CSMD1: variants seen among roughly 807,000 people sequenced by gnomAD.
The protein encoded by CSMD1 is CUB and sushi domain-containing protein 1.
A neutral mutation model predicts 417.5 loss-of-function variants in CSMD1; 213 were observed. The observed-to-expected ratio is 0.51, with a 90% confidence interval of 0.46 to 0.57. The LOEUF (loss-of-function observed/expected upper bound fraction) is 0.57, where lower values mean the gene tolerates loss of function less well. CSMD1 is among the 20% of genes least tolerant of loss of function. The pLI, the probability that CSMD1 is intolerant of heterozygous loss-of-function variation, is 0.00. For missense variants in CSMD1, 6,923 were observed against 4,529.7 expected, an observed-to-expected ratio of 1.53 and a Z score of -15.17; for synonymous variants, 2,862 against 1,736.8, an observed-to-expected ratio of 1.65 and a Z score of -16.11.
At chr8:4,459,485 C>G (rs900203195) in intron 2 of CSMD1, among the ~76,000 whole-genome samples, 4 of 152,152 alleles carry the variant, frequency 2.6e-5, no homozygotes, top group South Asian at 2.1e-4. Flanking sequence ...AAATTCAAAT[C>G]CAAGGTTGCT....
intron 12 of CSMD1, among the ~76,000 whole-genome samples, chr8:3,412,887 T>C (rs73657851): frequency 0.097 from 14,723 of 151,650 alleles, 951 homozygotes; most frequent in East Asian, 0.25. Context: ...TGGTTTATAA[T>C]AGAAAAGAGC....
At chr8:3,691,714 G>A (rs1800253419) in intron 7 of CSMD1, among the ~76,000 whole-genome samples, 1 of 151,854 alleles carries the variant, frequency 6.6e-6, no homozygotes, top group Non-Finnish European at 1.5e-5. Flanking sequence ...AACCCTATAA[G>A]GTAAATATTA....
chr8:3,859,410 G>A (rs1422727822), intron 5 of CSMD1, among the ~76,000 whole-genome samples: 2 of 152,140 alleles, frequency 1.3e-5, no homozygotes, highest in African/African-American at 2.4e-5. Context: ...TTTGTTTACA[G>A]ATGTGTAGTA....
At chr8:3,322,920 T>C (rs1419179209) in intron 23 of CSMD1, among the ~76,000 whole-genome samples, 1 of 151,604 alleles carries the variant, frequency 6.6e-6, no homozygotes, top group Non-Finnish European at 1.5e-5. Context: ...AGTCTCTGAA[T>C]TGTTTTTTGC....
chr8:4,204,457 C>G (rs1799858987), intron 3 of CSMD1, among the ~76,000 whole-genome samples: 1 of 152,076 alleles, frequency 6.6e-6, no homozygotes, highest in Non-Finnish European at 1.5e-5. Context: ...TCATGAACAC[C>G]TGAGATTTTG....
intron 26 of CSMD1, among the ~76,000 whole-genome samples, chr8:3,271,073 C>T (rs1246441206): frequency 1.7e-5 from 2 of 116,626 alleles, no homozygotes; most frequent in Non-Finnish European, 3.5e-5. Context: ...TGCTGTCCTT[C>T]CCCCCTCCCC....
chr8:4,672,843 T>A (rs1241530218), intron 1 of CSMD1, among the ~76,000 whole-genome samples: 1 of 151,578 alleles, frequency 6.6e-6, no homozygotes, highest in African/African-American at 2.4e-5. Context: ...CCGTATGTAG[T>A]GACGTACACA....
At chr8:3,384,369 T>C (rs908563419) in intron 18 of CSMD1, among the ~76,000 whole-genome samples, 3 of 151,960 alleles carry the variant, frequency 2.0e-5, no homozygotes, top group Non-Finnish European at 4.4e-5. Flanking sequence ...TAATAGGATA[T>C]CCCTTTTCTA....
At chr8:3,725,360 G>A (rs144454767) in intron 6 of CSMD1, among the ~76,000 whole-genome samples, 1 of 152,228 alleles carries the variant, frequency 6.6e-6, no homozygotes, top group Non-Finnish European at 1.5e-5. Flanking sequence ...GGGAAACAAT[G>A]ACAAAGAACC....
chr8:4,742,944 C>T (rs191011304), intron 1 of CSMD1, among the ~76,000 whole-genome samples: 2,226 of 152,096 alleles, frequency 0.015, 30 homozygotes, highest in Non-Finnish European at 0.023. Context: ...ATAAATGATA[C>T]CAAAAGTGCA....
chr8:3,197,013 A>C (rs1488891035), intron 33 of CSMD1, among the ~76,000 whole-genome samples: 7 of 152,254 alleles, frequency 4.6e-5, no homozygotes, highest in African/African-American at 1.7e-4. Context: ...ATGCTTTCCA[A>C]ATGTACCCTT....
chr8:4,557,768 G>A (rs1585246727), intron 2 of CSMD1, among the ~76,000 whole-genome samples: 1 of 123,552 alleles, frequency 8.1e-6, no homozygotes, highest in African/African-American at 3.4e-5. Flanking sequence ...GCATTAAGAT[G>A]GCACGTAAGT....
chr8:4,371,020 C>G (rs1389598498), intron 3 of CSMD1, among the ~76,000 whole-genome samples: 1 of 152,154 alleles, frequency 6.6e-6, no homozygotes, highest in Non-Finnish European at 1.5e-5. Context: ...TTACTAGGGT[C>G]TTGGAGTGGT....
chr8:3,903,773 T>C (rs2627422), intron 5 of CSMD1, among the ~76,000 whole-genome samples: 1 of 152,054 alleles, frequency 6.6e-6, no homozygotes, highest in Non-Finnish European at 1.5e-5. Context: ...CCCAATTGAG[T>C]CCACATTTGA....
intron 41 of CSMD1, chr8:3,127,970 G>A (rs1057181994): frequency 7.6e-6 from 1 of 130,758 alleles, no homozygotes; most frequent in African/African-American, 3.2e-5. Context: ...GAGGGAGGGA[G>A]GGAAGGAAAG....
Position 4,323,027 on chromosome 8 carries a change from G to A in CSMD1, c.415+96926C>T, listed in dbSNP as rs552096416. Among the ~76,000 whole-genome samples, 70 of 152,242 alleles carry A rather than the reference G, an allele frequency of 4.6e-4. No individual in the cohort carries two copies. In the South Asian group the frequency reaches 0.014, roughly 30 times the overall value. ...TATAAAATAAAATAAAATGCAGCAG[G>A]AATCTGAGAATAGAAAGATTTTGAC... On this transcript the variant is annotated intron_variant, in intron 3 of 69. Coordinates refer to ENST00000635120, the MANE Select transcript of CSMD1 (RefSeq NM_033225.6).
intron 54 of CSMD1, among the ~76,000 whole-genome samples, chr8:2,979,661 C>T (rs931072718): frequency 2.0e-5 from 3 of 152,194 alleles, no homozygotes; most frequent in Admixed American, 6.5e-5. Context: ...AAGACAAACC[C>T]TGTACCCAAA....
chr8:3,868,288 G>A (rs919841758), intron 5 of CSMD1, among the ~76,000 whole-genome samples: 12 of 152,036 alleles, frequency 7.9e-5, no homozygotes, highest in South Asian at 2.1e-4. Context: ...CTTTTCAGTC[G>A]CCCTGCTTGC....
chr8:3,723,782 T>C (rs1802325365), intron 6 of CSMD1, among the ~76,000 whole-genome samples: 1 of 152,174 alleles, frequency 6.6e-6, no homozygotes, highest in Non-Finnish European at 1.5e-5. Context: ...ATGCATAAAG[T>C]GAACCCATGA....
Sources: allele counts gnomAD v4.1 joint callset (sites outside exome capture counted in the v4.1 genomes callset), GRCh38; gene constraint gnomAD v4.1.1; transcripts MANE v1.5; gene names NCBI Gene and HGNC (gene_info 2026-07-23, HGNC 2026-07-21).